The following NAV2 variants were observed in gnomAD, a reference collection of about 807,000 sequenced individuals.
NAV2 encodes the protein helicase, APC down-regulated 1.
A neutral mutation model predicts 223.2 loss-of-function variants in NAV2; 54 were observed. The observed-to-expected ratio is 0.24, with a 90% confidence interval of 0.19 to 0.30. The LOEUF (loss-of-function observed/expected upper bound fraction) is 0.30. NAV2 is among the 10% of genes least tolerant of loss of function. The pLI is 1.00. For synonymous variants in NAV2, 1,279 were observed against 1,239.3 expected, an observed-to-expected ratio of 1.03 and a Z score of -0.67; for missense variants, 2,806 against 3,147.5, an observed-to-expected ratio of 0.89 and a Z score of 2.60.
chr11:19,727,118 C>T (rs1247036940), intron 1 of NAV2, among the ~76,000 whole-genome samples: 3 of 152,152 alleles, frequency 2.0e-5, no homozygotes, highest in Non-Finnish European at 4.4e-5. Context: ...AATGTTTGGT[C>T]ACCATGACCA....
At chr11:19,849,838 A>G (rs997738957) in intron 3 of NAV2, among the ~76,000 whole-genome samples, 5 of 152,242 alleles carry the variant, frequency 3.3e-5, no homozygotes, top group Admixed American at 1.3e-4. Flanking sequence ...CCAGGGCAGC[A>G]TATACACACT....
intron 1 of NAV2, among the ~76,000 whole-genome samples, chr11:19,780,032 G>A (rs1394414205): frequency 6.6e-6 from 1 of 152,184 alleles, no homozygotes; most frequent in Non-Finnish European, 1.5e-5. Flanking sequence ...GCATTGTTTT[G>A]TTTGAATAGT....
At chr11:19,807,008 T>C (rs1037780158) in intron 1 of NAV2, among the ~76,000 whole-genome samples, 3 of 152,214 alleles carry the variant, frequency 2.0e-5, no homozygotes, top group Non-Finnish European at 4.4e-5. Context: ...CCCAGGCATC[T>C]GTGTTTCTTA....
At chr11:19,762,449 G>T (rs2054833892) in intron 1 of NAV2, among the ~76,000 whole-genome samples, 1 of 152,058 alleles carries the variant, frequency 6.6e-6, no homozygotes, top group Non-Finnish European at 1.5e-5. Context: ...CCATGCTCTG[G>T]CCACACAGGC....
intron 1 of NAV2, among the ~76,000 whole-genome samples, chr11:19,437,562 T>G (rs1851257650): frequency 1.3e-5 from 2 of 152,296 alleles, no homozygotes; most frequent in Non-Finnish European, 1.5e-5. Context: ...TAGTCTTTTA[T>G]ACCTTTGGCT....
At chr11:19,700,498 A>G (rs1466226389) in intron 1 of NAV2, among the ~76,000 whole-genome samples, 2 of 152,228 alleles carry the variant, frequency 1.3e-5, no homozygotes, top group African/African-American at 4.8e-5. Context: ...CACACAACCA[A>G]TTAAGCGCAA....
At chr11:19,885,298 G>A (rs1020704671) in intron 5 of NAV2, among the ~76,000 whole-genome samples, 1 of 152,146 alleles carries the variant, frequency 6.6e-6, no homozygotes, top group Non-Finnish European at 1.5e-5. Flanking sequence ...AACACAGGTG[G>A]TCTAACTCAG....
At chr11:19,581,847 C>T (rs1453878987) in intron 1 of NAV2, among the ~76,000 whole-genome samples, 2 of 152,146 alleles carry the variant, frequency 1.3e-5, no homozygotes, top group African/African-American at 2.4e-5. Flanking sequence ...GTCTTTATAG[C>T]AGCATGTTTT....
intron 1 of NAV2, among the ~76,000 whole-genome samples, chr11:19,829,378 C>T (rs2059811775): frequency 6.6e-6 from 1 of 152,140 alleles, no homozygotes; most frequent in Non-Finnish European, 1.5e-5. Context: ...AGGGGATATT[C>T]CAGACTCTTG....
intron 3 of NAV2, among the ~76,000 whole-genome samples, chr11:19,867,507 C>T (rs1211067036): frequency 6.6e-6 from 1 of 152,216 alleles, no homozygotes; most frequent in African/African-American, 2.4e-5. Context: ...CTCACCTTTC[C>T]TCCATGTGTA....
chr11:19,417,036 G>A (rs1850401332), intron 1 of NAV2, among the ~76,000 whole-genome samples: 1 of 152,162 alleles, frequency 6.6e-6, no homozygotes, highest in Non-Finnish European at 1.5e-5. Flanking sequence ...GTAGGCGTGG[G>A]CAAAGACTTC....
chr11:20,017,506 T>C (rs965955240), intron 11 of NAV2, among the ~76,000 whole-genome samples: 16 of 152,344 alleles, frequency 1.1e-4, no homozygotes, highest in Non-Finnish European at 2.2e-4. Flanking sequence ...TGACTCTCTT[T>C]CACAGCACCC....
intron 11 of NAV2, among the ~76,000 whole-genome samples, chr11:20,033,079 G>C (rs2055943022): frequency 6.6e-6 from 1 of 152,214 alleles, no homozygotes; most frequent in Non-Finnish European, 1.5e-5. Flanking sequence ...ACACAGACTA[G>C]AAGGAGCACA....
chr11:19,467,633 T>A (rs1852415803), intron 1 of NAV2, among the ~76,000 whole-genome samples: 1 of 152,202 alleles, frequency 6.6e-6, no homozygotes, highest in African/African-American at 2.4e-5. Flanking sequence ...CCGGGAAGTG[T>A]TTTGATCCTT....
At chr11:19,481,513 C>T (rs560050551) in intron 1 of NAV2, among the ~76,000 whole-genome samples, 1 of 152,326 alleles carries the variant, frequency 6.6e-6, no homozygotes, top group African/African-American at 2.4e-5. Context: ...ACTGACTCTT[C>T]CACTTATTAA....
chr11:19,848,097 T>TAG (rs953598691), intron 3 of NAV2, among the ~76,000 whole-genome samples: 1 of 152,166 alleles, frequency 6.6e-6, no homozygotes, highest in Admixed American at 6.5e-5. Flanking sequence ...CCCTGCTGCA[T>TAG]AGAGCACAGC....
At chr11:19,424,295 T>G (rs988727722) in intron 1 of NAV2, among the ~76,000 whole-genome samples, 3 of 152,216 alleles carry the variant, frequency 2.0e-5, no homozygotes, top group Non-Finnish European at 4.4e-5. Flanking sequence ...AGATTACTAG[T>G]TCTCTAAGTA....
intron 34 of NAV2, among the ~76,000 whole-genome samples, chr11:20,103,940 A>C (rs1471728517): frequency 1.3e-5 from 2 of 152,208 alleles, no homozygotes; most frequent in Non-Finnish European, 2.9e-5. Flanking sequence ...CCAGAGACTT[A>C]AGTGACTTGG....
intron 3 of NAV2, among the ~76,000 whole-genome samples, chr11:19,855,975 T>G (rs893412472): frequency 2.0e-5 from 3 of 152,198 alleles, no homozygotes; most frequent in African/African-American, 7.2e-5. Flanking sequence ...AGCAGTTTAA[T>G]TTTAGTCCTT....
Sources: allele counts gnomAD v4.1 joint callset (sites outside exome capture counted in the v4.1 genomes callset), GRCh38; gene constraint gnomAD v4.1.1; transcripts MANE v1.5; gene names NCBI Gene and HGNC (gene_info 2026-07-23, HGNC 2026-07-21).